ZFHX3: variants seen among roughly 807,000 people sequenced by gnomAD.
The protein encoded by ZFHX3 is zinc finger homeobox protein 3.
Under a neutral mutation model 279.1 loss-of-function variants are expected in ZFHX3, and 42 were observed. The ratio of observed to expected loss-of-function variants is 0.15; its 90% CI spans 0.12 to 0.19. ZFHX3 has a LOEUF of 0.19. ZFHX3 is among the 10% of genes least tolerant of loss of function. The pLI, the probability that ZFHX3 is intolerant of heterozygous loss-of-function variation, is 1.00. For missense variants in ZFHX3, 4,981 were observed against 4,754.0 expected (o/e 1.05, Z -1.40); for synonymous variants, 2,293 against 1,957.8 (o/e 1.17, Z -4.52).
intron 1 of ZFHX3, among the ~76,000 whole-genome samples, chr16:73,689,806 T>G (rs35114982): frequency 0.12 from 18,413 of 149,196 alleles, 1,211 homozygotes; most frequent in Non-Finnish European, 0.14. Context: ...ACATACAGTT[T>G]TTTGTTTTTT....
Position 72,959,099 on chromosome 16 carries a change from G to T in ZFHX3, c.1047C>A (p.His349Gln). The change falls in exon 2 of 10, where the codon CAC (histidine) becomes CAA (glutamine). Residue 349 changes from histidine (H) to glutamine (Q), a missense_variant. Around this residue, in one of 7 missense-constraint regions of ZFHX3, gnomAD observed 1,068 missense variants for 935.2 expected, o/e 1.14. Transcript: ENST00000268489. Reference sequence around the variant, plus strand: ...TGAGGTTAGCTGTGGAAACTAAAGGGTGTTGAAAGTTTTTGTTTTTTGGTT... The same window carrying T: ...TGAGGTTAGCTGTGGAAACTAAAGGTTGTTGAAAGTTTTTGTTTTTTGGTT... ...FLEPKNKNFQ[H>Q]PLVSTANLIG... is the part of the protein sequence containing the mutation. 1.2e-6 allele frequency: 2 copies of T among 1,614,194 alleles called. No homozygotes were observed. The highest frequency in any genetic ancestry group is 1.7e-6 in the Non-Finnish European group (2 of 1,180,026).
intron 3 of ZFHX3, among the ~76,000 whole-genome samples, chr16:72,929,262 G>A (rs189064531): frequency 1.3e-4 from 19 of 151,624 alleles, no homozygotes; most frequent in Non-Finnish European, 2.1e-4. Context: ...AAAAAAGAGT[G>A]AGGTAAAAAA....
chr16:73,534,195 C>T (rs1481519131), intron 2 of ZFHX3, among the ~76,000 whole-genome samples: 1 of 152,128 alleles, frequency 6.6e-6, no homozygotes, highest in Non-Finnish European at 1.5e-5. Context: ...ATGGTGAATT[C>T]TTCAATGTTT....
chr16:73,125,908 T>A (rs757028814), intron 7 of ZFHX3, among the ~76,000 whole-genome samples: 1 of 152,086 alleles, frequency 6.6e-6, no homozygotes. Flanking sequence ...ACTTCACAGA[T>A]GAGAAATTGA....
chr16:72,928,650 C>A (rs1466475849), intron 3 of ZFHX3, among the ~76,000 whole-genome samples: 1 of 152,178 alleles, frequency 6.6e-6, no homozygotes, highest in African/African-American at 2.4e-5. Flanking sequence ...ACCTCCCTCA[C>A]CAGTAGCACT....
At chr16:73,234,568 G>A (rs753560379) in intron 5 of ZFHX3, among the ~76,000 whole-genome samples, 1 of 152,192 alleles carries the variant, frequency 6.6e-6, no homozygotes, top group Non-Finnish European at 1.5e-5. Context: ...TTTCTGCTCT[G>A]GGGTTGGAGA....
chr16:73,653,935 A>G (rs1439943893), intron 2 of ZFHX3, among the ~76,000 whole-genome samples: 1 of 152,210 alleles, frequency 6.6e-6, no homozygotes, highest in Admixed American at 6.5e-5. Flanking sequence ...CTGTAATCCC[A>G]GCACTTTGAG....
chr16:73,510,678 T>C (rs561318165), intron 2 of ZFHX3, among the ~76,000 whole-genome samples: 2 of 152,228 alleles, frequency 1.3e-5, no homozygotes, highest in African/African-American at 4.8e-5. Flanking sequence ...TGTGGTATTG[T>C]GCAGTATCCA....
chr16:73,784,363 A>G (rs930808376), intron 1 of ZFHX3, among the ~76,000 whole-genome samples: 1 of 152,172 alleles, frequency 6.6e-6, no homozygotes, highest in Non-Finnish European at 1.5e-5. Flanking sequence ...CCTAGAAAGC[A>G]ATAGCAATAC....
chr16:72,898,740 C>G (rs2038959003), intron 3 of ZFHX3, among the ~76,000 whole-genome samples: 1 of 121,484 alleles, frequency 8.2e-6, no homozygotes, highest in Non-Finnish European at 1.6e-5. Context: ...ATTATTAACC[C>G]TGTCTCAAAA....
intron 2 of ZFHX3, among the ~76,000 whole-genome samples, chr16:73,553,746 C>T (rs34954839): frequency 0.083 from 12,606 of 152,214 alleles, 579 homozygotes; most frequent in Non-Finnish European, 0.1. Flanking sequence ...TAGATAGCAC[C>T]ATAGACTCCA....
At chr16:73,838,167 C>G (rs1458713165) in intron 1 of ZFHX3, among the ~76,000 whole-genome samples, 1 of 152,214 alleles carries the variant, frequency 6.6e-6, no homozygotes, top group Non-Finnish European at 1.5e-5. Context: ...ACTACTGTAT[C>G]TCTAGTGCCC....
chr16:73,437,713 T>G (rs1156847935), intron 3 of ZFHX3, among the ~76,000 whole-genome samples: 1 of 152,198 alleles, frequency 6.6e-6, no homozygotes, highest in Non-Finnish European at 1.5e-5. Flanking sequence ...TATTGGTATT[T>G]TCACCAACAA....
At chr16:72,940,702 G>C (rs1004277116) in intron 3 of ZFHX3, among the ~76,000 whole-genome samples, 10 of 152,242 alleles carry the variant, frequency 6.6e-5, no homozygotes, top group Admixed American at 6.5e-4. Context: ...CCCTGCCAAG[G>C]CAATGTGGGT....
intron 5 of ZFHX3, among the ~76,000 whole-genome samples, chr16:73,154,633 C>T (rs1231504714): frequency 6.6e-6 from 1 of 152,144 alleles, no homozygotes; most frequent in Non-Finnish European, 1.5e-5. Flanking sequence ...CCAGAGAATG[C>T]AACATACATT....
intron 3 of ZFHX3, among the ~76,000 whole-genome samples, chr16:73,422,466 G>C (rs1016800189): frequency 9.2e-5 from 14 of 152,146 alleles, no homozygotes; most frequent in African/African-American, 3.1e-4. Context: ...ACAGTGACTG[G>C]CACACAGAAA....
intron 7 of ZFHX3, among the ~76,000 whole-genome samples, chr16:73,105,290 CATACATATAT>C (rs1476567233): frequency 2.0e-5 from 3 of 148,636 alleles, no homozygotes; most frequent in East Asian, 2.0e-4. Context: ...CAGACACACA[CATACATATAT>C]ATACATATAT....
chr16:73,028,413 G>T (rs1964586026), intron 1 of ZFHX3, among the ~76,000 whole-genome samples: 1 of 152,288 alleles, frequency 6.6e-6, no homozygotes, highest in Non-Finnish European at 1.5e-5. Context: ...GGCAGGCTCA[G>T]ATCCCCAAGA....
chr16:73,308,761 CT>C (rs1009677443), intron 4 of ZFHX3, among the ~76,000 whole-genome samples: 6 of 150,864 alleles, frequency 4.0e-5, no homozygotes, highest in Middle Eastern at 3.5e-3. Context: ...GAGTATTAGA[CT>C]TTTTTTTTCC....
Sources: gnomAD v4.1 joint callset for allele counts (sites outside exome capture counted in the v4.1 genomes callset) on GRCh38, gnomAD v4.1.1 for gene constraint, gnomAD v4.1.1 regional missense constraint, MANE v1.5 for transcripts, NCBI Gene and HGNC (gene_info 2026-07-23, HGNC 2026-07-21) for gene names.